The following PLCL2 variants were observed in gnomAD, a reference collection of about 807,000 sequenced individuals.
PLCL2 encodes the protein phospholipase C like 2.
A neutral mutation model predicts 79.6 loss-of-function variants in PLCL2; 4 were observed. The observed-to-expected ratio is 0.05, with a 90% CI of 0.02 to 0.11. The LOEUF is 0.11. Among genes scored for constraint, PLCL2 ranks in the 10% least tolerant of loss-of-function variants. The probability of loss-of-function intolerance (pLI) is 1.00; values close to 1 mark genes in which losing one functional copy is unlikely to be tolerated. For synonymous variants in PLCL2, 484 were observed against 457.7 expected (o/e 1.06, Z -0.73); for missense variants, 895 against 1,291.0 (o/e 0.69, Z 4.70).
At chr3:17,006,682 G>A (rs868318713) in intron 1 of PLCL2, among the ~76,000 whole-genome samples, 2 of 152,176 alleles carry the variant, frequency 1.3e-5, no homozygotes, top group African/African-American at 4.8e-5. Flanking sequence ...ATATCTGCCC[G>A]TGGTTGGGTG....
intron 1 of PLCL2, among the ~76,000 whole-genome samples, chr3:16,928,511 C>T (rs1697311367): frequency 6.6e-6 from 1 of 152,100 alleles, no homozygotes; most frequent in South Asian, 2.1e-4. Flanking sequence ...CAGATAGAGA[C>T]CAAGAAGGAC....
intron 1 of PLCL2, among the ~76,000 whole-genome samples, chr3:16,972,497 G>C (rs908688814): frequency 6.6e-6 from 1 of 152,144 alleles, no homozygotes; most frequent in Admixed American, 6.5e-5. Context: ...GGAGAGTTCT[G>C]TAGATGTCTG....
chr3:17,066,817 A>G (rs2065015264), intron 4 of PLCL2, among the ~76,000 whole-genome samples: 1 of 152,226 alleles, frequency 6.6e-6, no homozygotes. Context: ...TGCTACTTTC[A>G]TGTAAGAAAG....
chr3:16,935,456 T>C (rs910207053), intron 1 of PLCL2, among the ~76,000 whole-genome samples: 4 of 152,190 alleles, frequency 2.6e-5, no homozygotes, highest in African/African-American at 9.7e-5. Flanking sequence ...CAACCCCAGG[T>C]TGAGGTATAA....
At chr3:16,985,186 T>A (rs2124991196) in intron 1 of PLCL2, among the ~76,000 whole-genome samples, 1 of 152,268 alleles carries the variant, frequency 6.6e-6, no homozygotes, top group Middle Eastern at 3.4e-3. Context: ...GGAAGCATTC[T>A]CTGAATTTTA....
chr3:17,049,732 A>AAAG (rs1287447020), intron 4 of PLCL2, among the ~76,000 whole-genome samples: 2 of 152,198 alleles, frequency 1.3e-5, no homozygotes, highest in South Asian at 4.1e-4. Context: ...GGAAGAATCA[A>AAAG]TATTGTTAAA....
intron 3 of PLCL2, among the ~76,000 whole-genome samples, chr3:17,025,467 G>A (rs563729056): frequency 6.6e-5 from 10 of 152,238 alleles, no homozygotes; most frequent in South Asian, 2.1e-4. Flanking sequence ...TATATTTGTG[G>A]ACATGAGCTT....
intron 1 of PLCL2, among the ~76,000 whole-genome samples, chr3:16,956,238 A>G (rs1575551273): frequency 6.6e-6 from 1 of 152,216 alleles, no homozygotes; most frequent in Admixed American, 6.5e-5. Flanking sequence ...TTTAGCATGA[A>G]GGGCTGTTGA....
At chr3:17,083,245 A>G (rs62247258) in intron 5 of PLCL2, among the ~76,000 whole-genome samples, 28,481 of 152,104 alleles carry the variant, frequency 0.19, 3,141 homozygotes, top group East Asian at 0.52. Context: ...GCTGCTGTGA[A>G]GAGGGCATCA....
At chr3:16,956,028 C>T (rs1374853917) in intron 1 of PLCL2, among the ~76,000 whole-genome samples, 2 of 152,188 alleles carry the variant, frequency 1.3e-5, no homozygotes, top group Non-Finnish European at 2.9e-5. Flanking sequence ...ATTTCCTTCT[C>T]CTGCCTAATT....
chr3:16,971,079 T>G lies in PLCL2; in HGVS notation c.328-38595T>G, dbSNP rs562216984. On this transcript the variant is annotated intron_variant, in intron 1 of 5. Transcript: ENST00000615277. ...CTCTTTAGTTTAATTAGATCCCATT[T>G]GTCAATTTTGGCTTTTGTTGCCATT... 2.7e-4 allele frequency among the ~76,000 whole-genome samples: 41 copies of G among 151,774 alleles called. No homozygotes were observed. The East Asian group carries it at 3.3e-3, about 12-fold the overall frequency.
intron 1 of PLCL2, among the ~76,000 whole-genome samples, chr3:16,995,707 C>T (rs2064146933): frequency 6.6e-6 from 1 of 151,986 alleles, no homozygotes; most frequent in Admixed American, 6.6e-5. Context: ...ATTTTTTTTC[C>T]ATTGACAAGT....
rs2064014376 is a variant in PLCL2, at chr3:16,982,861, G to A, written c.328-26813G>A. Among the ~76,000 whole-genome samples the A allele has an allele frequency of 5.3e-5, 8 of 152,090 alleles. No homozygotes were observed. In the South Asian group the frequency reaches 1.7e-3, roughly 32 times the overall value. On this transcript the variant is annotated intron_variant, in intron 1 of 5. Coordinates refer to ENST00000615277, the MANE Select transcript of PLCL2 (RefSeq NM_001144382.2). ...TTAAATCCCTTCTTCCTTCTTTAAT[G>A]GCAAAAATAAATTTACTTTAATTCA... is the stretch of plus-strand genomic sequence containing the variant.
At chr3:16,955,838 T>C (rs1472950207) in intron 1 of PLCL2, among the ~76,000 whole-genome samples, 2 of 152,188 alleles carry the variant, frequency 1.3e-5, no homozygotes, top group Non-Finnish European at 2.9e-5. Flanking sequence ...TTGTCTGTTA[T>C]TGGTGTATAA....
intron 1 of PLCL2, among the ~76,000 whole-genome samples, chr3:16,975,174 G>A (rs1295156535): frequency 1.3e-5 from 2 of 152,216 alleles, no homozygotes; most frequent in Non-Finnish European, 2.9e-5. Flanking sequence ...TTGAGCTTCA[G>A]ATTACACTAA....
chr3:16,908,677 A>G (rs1012824142), intron 1 of PLCL2, among the ~76,000 whole-genome samples: 2 of 152,160 alleles, frequency 1.3e-5, no homozygotes, highest in African/African-American at 2.4e-5. Flanking sequence ...ACAGCACAGC[A>G]TGTTTGGTGG....
intron 1 of PLCL2, among the ~76,000 whole-genome samples, chr3:16,987,625 A>ATT (rs1288697344): frequency 6.6e-6 from 1 of 152,150 alleles, no homozygotes; most frequent in East Asian, 1.9e-4. Flanking sequence ...CTGACACTAA[A>ATT]TAAGATTCAA....
intron 5 of PLCL2, among the ~76,000 whole-genome samples, chr3:17,080,425 C>T (rs79181320): frequency 0.014 from 2,183 of 152,198 alleles, 65 homozygotes; most frequent in African/African-American, 0.05. Flanking sequence ...ATTTAGAATC[C>T]GTAGCCAAGA....
At chr3:16,934,926 A>AT in intron 1 of PLCL2, among the ~76,000 whole-genome samples, 1 of 152,284 alleles carries the variant, frequency 6.6e-6, no homozygotes. Flanking sequence ...CATCCTCATT[A>AT]TTTCTTTTGG....
Sources: gnomAD v4.1 joint callset for allele counts (sites outside exome capture counted in the v4.1 genomes callset) on GRCh38, gnomAD v4.1.1 for gene constraint, MANE v1.5 for transcripts, NCBI Gene and HGNC (gene_info 2026-07-23, HGNC 2026-07-21) for gene names.